Variants in ACOT11 observed in about 807,000 individuals in gnomAD.
ACOT11 encodes acyl-CoA thioesterase 11.
In ACOT11, 69 loss-of-function variants were observed where a neutral mutation model predicts 77.5. That is an observed-to-expected ratio of 0.89 (90% CI 0.73 to 1.09). The LOEUF is 1.09. Ranked by LOEUF, ACOT11 falls within the 50% of genes least tolerant of loss-of-function variation. The pLI is 0.00. For missense variants in ACOT11, 766 were observed against 813.7 expected (o/e 0.94, Z 0.71); for synonymous variants, 279 against 313.0 (o/e 0.89, Z 1.15).
At chr1:54,594,499 T>A (rs1654825163) in intron 5 of ACOT11, 57 bp from the exon 6 acceptor site, 12 of 1,569,224 alleles carry the variant, frequency 7.6e-6, no homozygotes, top group Non-Finnish European at 1.0e-5. Flanking sequence ...GACAGGCCCT[T>A]GTGCTATTTC....
At chr1:54,602,854 C>A (rs1449584565) in intron 10 of ACOT11, 130 bp downstream of exon 10, 7 of 1,015,910 alleles carry the variant, frequency 6.9e-6, no homozygotes, top group Admixed American at 3.7e-5. Flanking sequence ...TACATCCTCT[C>A]GTTTTGGTCT....
At chr1:54,625,976 A>G (rs892652200) in intron 15 of ACOT11, among the ~76,000 whole-genome samples, 7 of 136,968 alleles carry the variant, frequency 5.1e-5, no homozygotes, top group Non-Finnish European at 9.6e-5. Context: ...AAAAGAAAAG[A>G]AAAGGCCAGC....
rs149394893 is a variant in ACOT11 at position 54,549,568 on chromosome 1, C to T, written c.33+1226C>T. Among the ~76,000 whole-genome samples the T allele has an allele frequency of 2.2e-4, 33 of 152,352 alleles. No individual in the cohort carries two copies. The East Asian group carries it at 3.3e-3, about 15-fold the overall frequency. ...CTCAGGTGCTGCCTCCTCTGGAAGT[C>T]CTTCTCAGATTTCTCATGACACCAT... On this transcript the variant is annotated intron_variant, in intron 1 of 15. Transcript: ENST00000343744.
At chr1:54,618,210 A>G (rs1644195022) in intron 15 of ACOT11, among the ~76,000 whole-genome samples, 1 of 152,156 alleles carries the variant, frequency 6.6e-6, no homozygotes, top group African/African-American at 2.4e-5. Context: ...GGCTTAAAAA[A>G]ATCACCTCCT....
chr1:54,597,675 CCTT>C, intron 7 of ACOT11: 2 of 523,678 alleles, frequency 3.8e-6, no homozygotes, highest in African/African-American at 1.9e-5. Context: ...TACCTGCACT[CCTT>C]CTAGTATCTA....
intron 6 of ACOT11, among the ~76,000 whole-genome samples, chr1:54,596,433 C>T (rs1331572946): frequency 6.6e-6 from 1 of 152,230 alleles, no homozygotes; most frequent in Non-Finnish European, 1.5e-5. Flanking sequence ...TGCCCTGAAG[C>T]CCAGGACCCC....
In ACOT11 at chr1:54,610,034, G is replaced by A; in HGVS notation, c.*922G>A. On this transcript the variant is annotated 3_prime_UTR_variant, in exon 16 of 16. Coordinates refer to ENST00000343744, the MANE Select transcript of ACOT11 (RefSeq NM_147161.4). ...TTAAAGGGGCAGTGGGAGTTATGGG[G>A]TCATCAAGGACCTTGCCTCTCTGGA... The A allele has an allele frequency of 6.8e-7, 1 of 1,473,602 alleles. No homozygotes were observed. The highest frequency in any genetic ancestry group is 9.0e-7 in the Non-Finnish European group (1 of 1,116,430). The allele number at this position is 1,473,602 out of a possible 1,614,324, so 91.3% of individuals were successfully genotyped here.
chr1:54,590,826 C>A (rs1174314228), intron 3 of ACOT11, among the ~76,000 whole-genome samples: 1 of 152,182 alleles, frequency 6.6e-6, no homozygotes, highest in Non-Finnish European at 1.5e-5. Flanking sequence ...GCGATCTTGG[C>A]TCACGGCAAC....
At chr1:54,595,747 G>C (rs1569738350) in intron 6 of ACOT11, among the ~76,000 whole-genome samples, 5 of 152,342 alleles carry the variant, frequency 3.3e-5, no homozygotes, top group Admixed American at 3.3e-4. Context: ...AGATAAGGAA[G>C]GGTTTCTGAC....
At chr1:54,602,610 G>A in intron 9 of ACOT11, 59 bp from the exon 10 acceptor site, 1 of 1,417,624 alleles carries the variant, frequency 7.1e-7, no homozygotes, top group East Asian at 2.8e-5. Flanking sequence ...CTGGGGGATG[G>A]AGAGGGGGCA....
chr1:54,570,484 A>C (rs1032130753), intron 1 of ACOT11, among the ~76,000 whole-genome samples: 1 of 152,180 alleles, frequency 6.6e-6, no homozygotes, highest in Non-Finnish European at 1.5e-5. Context: ...CTTCCTCACT[A>C]GAATGGTTTT....
Position 54,584,859 on chromosome 1 carries a change from T to C in ACOT11, c.238T>C (p.Ser80Pro), listed in dbSNP as rs1654442124. The C allele has an allele frequency of 6.2e-7, 1 of 1,612,288 alleles. No individual in the cohort carries two copies. Among genetic ancestry groups the C allele is most frequent in the Admixed American group, 1.7e-5 (1 of 59,876 alleles). Residue 80 changes from serine (S) to proline (P), a missense_variant, in exon 2 of 16, where the codon TCC (serine) becomes CCC (proline). Physicochemically the swap from Ser to Pro is moderately conservative, Grantham distance 74. Coordinates refer to ENST00000343744, the MANE Select transcript of ACOT11 (RefSeq NM_147161.4). This position sits in a 1 kb window ranked among gnomAD's most constrained non-coding sequence, Gnocchi z 6.3. Reference protein sequence around the residue: ...LKWIDTTACLSAERHAGCPCV... With the variant: ...LKWIDTTACLPAERHAGCPCV... ...GTGGATTGACACCACGGCTTGCCTG[T>C]CCGGTAAGGCTGCGCTCCCCATGGT...
At chr1:54,603,701 T>G (rs1394182715) in intron 10 of ACOT11, among the ~76,000 whole-genome samples, 170 bp from the exon 11 acceptor site, 1 of 152,078 alleles carries the variant, frequency 6.6e-6, no homozygotes, top group Non-Finnish European at 1.5e-5. Context: ...CGAGCTGGTG[T>G]GCCCTCAGCT....
intron 1 of ACOT11, among the ~76,000 whole-genome samples, chr1:54,557,237 CA>C (rs1653288501): frequency 6.6e-6 from 1 of 151,610 alleles, no homozygotes; most frequent in South Asian, 2.1e-4. Flanking sequence ...ACTAAAAATA[CA>C]AAAATTAGTC....
chr1:54,624,795 C>T (rs1644262001), intron 15 of ACOT11, among the ~76,000 whole-genome samples: 1 of 151,974 alleles, frequency 6.6e-6, no homozygotes, highest in Non-Finnish European at 1.5e-5. Flanking sequence ...TTAGAGGGGC[C>T]AGGAAAGACC....
intron 1 of ACOT11, among the ~76,000 whole-genome samples, chr1:54,566,325 C>T (rs1281081334): frequency 2.6e-5 from 4 of 152,044 alleles, no homozygotes; most frequent in African/African-American, 4.8e-5. Flanking sequence ...GGCATGGTGG[C>T]GCGTTCCTGT....
chr1:54,566,316 G>C (rs1368452639), intron 1 of ACOT11, among the ~76,000 whole-genome samples: 1 of 152,116 alleles, frequency 6.6e-6, no homozygotes, highest in Admixed American at 6.6e-5. Context: ...AATTAGCTGG[G>C]CATGGTGGCG....
chr1:54,579,923 A>G (rs1654245117), intron 1 of ACOT11, among the ~76,000 whole-genome samples: 1 of 152,212 alleles, frequency 6.6e-6, no homozygotes, highest in African/African-American at 2.4e-5. Context: ...GAAACAGTCC[A>G]CTTTGAACTA....
intron 6 of ACOT11, among the ~76,000 whole-genome samples, chr1:54,595,082 C>A (rs1425115239): frequency 1.3e-5 from 2 of 152,190 alleles, no homozygotes; most frequent in African/African-American, 4.8e-5. Flanking sequence ...CGTGGTGGCT[C>A]ATGCTTGTAA....
Sources: gnomAD v4.1 joint callset for allele counts (sites outside exome capture counted in the v4.1 genomes callset) on GRCh38, gnomAD v4.1.1 for gene constraint, Gnocchi (gnomAD v3.1) non-coding constraint, MANE v1.5 for transcripts, NCBI Gene and HGNC (gene_info 2026-07-23, HGNC 2026-07-21) for gene names.